The following GREB1 variants were observed in gnomAD, a reference collection of about 807,000 sequenced individuals.
GREB1 encodes the protein growth regulating estrogen receptor binding 1.
GREB1 carries 106 observed loss-of-function variants against 200.7 expected under a neutral mutation model. The ratio of observed to expected loss-of-function variants is 0.53; its 90% confidence interval spans 0.45 to 0.62. The LOEUF is 0.62. Among genes scored for constraint, GREB1 ranks in the 20% least tolerant of loss-of-function variants. GREB1 has a pLI of 0.00. For missense variants in GREB1, 2,243 were observed against 2,556.8 expected (o/e 0.88, Z 2.65); for synonymous variants, 1,132 against 1,092.4 (o/e 1.04, Z -0.72).
Position 11,596,235 on chromosome 2 carries a change from C to G in GREB1, c.1950C>G (p.Cys650Trp). The G allele has an allele frequency of 6.2e-7, 1 of 1,612,852 alleles. No individual in the cohort carries two copies. Among genetic ancestry groups the G allele is most frequent in the Non-Finnish European group, 8.5e-7 (1 of 1,179,248 alleles). Reference sequence around the variant, plus strand: ...TGGATGTCAGTGGGACACCGGTGTGCACAAGTGAGTGGTGAAAAGGAATCT... The same window carrying G: ...TGGATGTCAGTGGGACACCGGTGTGGACAAGTGAGTGGTGAAAAGGAATCT... Reference protein sequence around the residue: ...ASLDVSGTPVCTSYNLEPHSI... With the variant: ...ASLDVSGTPVWTSYNLEPHSI... Residue 650 changes from cysteine (C) to tryptophan (W), a missense_variant, in exon 13 of 33, where the codon TGC becomes TGG. This residue lies in a region of GREB1 where 1,178 missense variants were observed against 1,387.4 expected (regional missense o/e 0.85). Coordinates refer to ENST00000381486, the MANE Select transcript of GREB1 (RefSeq NM_014668.4).
intron 25 of GREB1, among the ~76,000 whole-genome samples, chr2:11,628,792 A>G (rs1684654933): frequency 6.6e-6 from 1 of 152,114 alleles, no homozygotes; most frequent in Admixed American, 6.5e-5. Flanking sequence ...ACCAGAGTGC[A>G]GAGGAGGAGG....
At chr2:11,618,984 G>A (rs1683770346) in intron 22 of GREB1, 65 bp downstream of exon 22, 5 of 1,374,122 alleles carry the variant, frequency 3.6e-6, no homozygotes, top group Admixed American at 2.8e-5. Flanking sequence ...CCCATCTGGA[G>A]GGCAGGCCTG....
In GREB1 at chr2:11,627,025, T is replaced by C. The variant is rs555074248; in HGVS notation, c.4370T>C (p.Leu1457Pro). The C allele has an allele frequency of 1.2e-6, 2 of 1,614,112 alleles. No homozygotes were observed. The highest frequency in any genetic ancestry group is 2.2e-5 in the South Asian group (2 of 91,078). Residue 1457 changes from leucine to proline, a missense_variant, in exon 25 of 33, where the codon CTG becomes CCG. Coordinates refer to ENST00000381486, the MANE Select transcript of GREB1 (RefSeq NM_014668.4). ...YVRRQTARMR[L>P]SKYAAYNTYH... The stretch of plus-strand genomic sequence containing the variant: ...CGGCGTCAGACGGCACGGATGAGAC[T>C]GTCCAAGTACGCAGCGTACAACACT...
chr2:11,636,195 G>A (rs1280737641), intron 30 of GREB1, among the ~76,000 whole-genome samples: 1 of 152,162 alleles, frequency 6.6e-6, no homozygotes, highest in Non-Finnish European at 1.5e-5. Flanking sequence ...AAAGTAACAA[G>A]ACCTTTAAAT....
intron 1 of GREB1, among the ~76,000 whole-genome samples, chr2:11,549,111 T>C (rs1296763080): frequency 6.6e-6 from 1 of 152,156 alleles, no homozygotes; most frequent in African/African-American, 2.4e-5. Context: ...TCTTGATTGG[T>C]CCTTTAAATC....
intron 21 of GREB1, 30 bp from the exon 22 acceptor site, chr2:11,618,258 A>ACAGCTCACTCCTGGGACGAGT (rs1683666795): frequency 6.5e-7 from 1 of 1,530,610 alleles, no homozygotes; most frequent in Non-Finnish European, 8.8e-7. Context: ...ACCTTCTAGG[A>ACAGCTCACTCCTGGGACGAGT]CGTCCCTGAC....
intron 1 of GREB1, among the ~76,000 whole-genome samples, chr2:11,543,806 G>A (rs988193753): frequency 6.6e-6 from 1 of 152,144 alleles, no homozygotes; most frequent in Non-Finnish European, 1.5e-5. Context: ...CGTGGGCCTC[G>A]GTGTCCATGT....
upstream of GREB1, among the ~76,000 whole-genome samples, chr2:11,533,357 T>G (rs1359160067): frequency 6.6e-6 from 1 of 152,164 alleles, no homozygotes; most frequent in Non-Finnish European, 1.5e-5. Flanking sequence ...CTCTACTACA[T>G]TATCTCATTT....
At chr2:11,595,193 A>G in intron 11 of GREB1, 58 bp from the exon 12 acceptor site, 2 of 1,519,014 alleles carry the variant, frequency 1.3e-6, no homozygotes, top group Non-Finnish European at 1.8e-6. Context: ...GTCTAGGGCT[A>G]CACAGCCCGT....
intron 17 of GREB1, among the ~76,000 whole-genome samples, chr2:11,605,293 T>C (rs1040166255): frequency 6.6e-6 from 1 of 151,490 alleles, no homozygotes; most frequent in Non-Finnish European, 1.5e-5. Context: ...CGGCGCGATC[T>C]CAGCTCACTG....
chr2:11,564,806 T>C (rs1176181685), intron 3 of GREB1, among the ~76,000 whole-genome samples: 2 of 152,288 alleles, frequency 1.3e-5, no homozygotes, highest in East Asian at 3.9e-4. Context: ...ATTGGGCAAT[T>C]TTCAAAAGAA....
intron 9 of GREB1, chr2:11,587,770 A>C: frequency 9.1e-7 from 1 of 1,103,206 alleles, no homozygotes; most frequent in Non-Finnish European, 1.1e-6. Context: ...AGCAGCCCCG[A>C]GAGGATTTGA....
At chr2:11,626,480 C>T (rs11688664) in intron 24 of GREB1, among the ~76,000 whole-genome samples, 30,470 of 152,090 alleles carry the variant, frequency 0.2, 3,401 homozygotes, top group Non-Finnish European at 0.26. Context: ...CCCAGCTACT[C>T]AGGAGACTGA....
At chr2:11,635,580 T>C (rs1157123623) in intron 30 of GREB1, among the ~76,000 whole-genome samples, 175 bp downstream of exon 30, 1 of 152,160 alleles carries the variant, frequency 6.6e-6, no homozygotes, top group Admixed American at 6.5e-5. Flanking sequence ...TGGGAAATGA[T>C]GGGGTCTCTC....
intron 26 of GREB1, 145 bp from the exon 27 acceptor site, chr2:11,631,764 T>C: frequency 3.0e-6 from 2 of 675,722 alleles, no homozygotes; most frequent in East Asian, 5.4e-5. Context: ...CTTTTACTGG[T>C]AAAAGCAAGT....
In GREB1 at chr2:11,616,661, A is replaced by G. The variant is rs542798799; in HGVS notation, c.3353A>G (p.Lys1118Arg). 27 of 1,612,950 alleles carry G rather than the reference A, an allele frequency of 1.7e-5. No homozygotes were observed. The South Asian group carries it at 2.7e-4, about 16-fold the overall frequency. ...GSTSEKRSPMKRERSRSHDSA... is the reference protein window; with the variant it reads ...GSTSEKRSPMRRERSRSHDSA... ...ACCTCGGAGAAGAGAAGCCCCATGA[A>G]AAGGGAGAGGTCCCGCTCCCACGAC... Residue 1118 changes from lysine (K) to arginine (R), a missense_variant, in exon 21 of 33, where the codon AAA becomes AGA. Lys to Arg is a conservative substitution (Grantham distance 26). Around this residue, in one of 3 missense-constraint regions of GREB1, gnomAD observed 587 missense variants for 553.1 expected, o/e 1.06. Coordinates refer to ENST00000381486, the MANE Select transcript of GREB1 (RefSeq NM_014668.4).
At chr2:11,562,621 A>G (rs373866428) in intron 3 of GREB1, 39 bp downstream of exon 3, 2 of 1,542,512 alleles carry the variant, frequency 1.3e-6, no homozygotes, top group Non-Finnish European at 1.7e-6. Flanking sequence ...AGTGCCTGCC[A>G]TGCTGCCCGG....
chr2:11,552,746 T>A (rs554670732), intron 1 of GREB1, among the ~76,000 whole-genome samples: 5 of 152,196 alleles, frequency 3.3e-5, no homozygotes, highest in East Asian at 1.9e-4. Context: ...GCGCGGTGGC[T>A]CACGCCTGTA....
At chr2:11,533,817 T>C (rs1329502436), upstream of GREB1, among the ~76,000 whole-genome samples, 1 of 152,184 alleles carries the variant, frequency 6.6e-6, no homozygotes, top group East Asian at 1.9e-4. Context: ...TGTTCTCCCC[T>C]AGGAGAAAAT....
Sources: allele counts gnomAD v4.1 joint callset (sites outside exome capture counted in the v4.1 genomes callset), GRCh38; gene constraint gnomAD v4.1.1; regional missense constraint gnomAD v4.1.1; transcripts MANE v1.5; gene names NCBI Gene and HGNC (gene_info 2026-07-23, HGNC 2026-07-21).